The following HIBCH variants were observed in gnomAD, a reference collection of about 807,000 sequenced individuals.
The protein encoded by HIBCH is 3-hydroxyisobutyryl-CoA hydrolase, mitochondrial.
Under a neutral mutation model 58.2 loss-of-function variants are expected in HIBCH, and 50 were observed. The ratio of observed to expected loss-of-function variants is 0.86; its 90% CI spans 0.68 to 1.09. The LOEUF (loss-of-function observed/expected upper bound fraction) is 1.09, where lower values mean the gene tolerates loss of function less well. HIBCH is among the 50% of genes least tolerant of loss of function. The probability of loss-of-function intolerance (pLI) is 0.00; values close to 1 mark genes in which losing one functional copy is unlikely to be tolerated. For missense variants in HIBCH, 450 were observed against 449.7 expected (o/e 1.00, Z -0.01); for synonymous variants, 151 against 146.9 (o/e 1.03, Z -0.20).
At chr2:190,234,714 G>A (rs576897580) in intron 11 of HIBCH, among the ~76,000 whole-genome samples, 1 of 152,154 alleles carries the variant, frequency 6.6e-6, no homozygotes, top group Middle Eastern at 3.4e-3. Flanking sequence ...AGCAGGTATG[G>A]TGGCGGGCAC....
chr2:190,212,145 G>A (rs1467950648), intron 12 of HIBCH, among the ~76,000 whole-genome samples: 3 of 152,182 alleles, frequency 2.0e-5, no homozygotes, highest in East Asian at 3.8e-4. Context: ...TGCATATAAA[G>A]TGCCTAGCGT....
At chr2:190,282,769 G>A (rs1687736402) in intron 6 of HIBCH, among the ~76,000 whole-genome samples, 1 of 150,476 alleles carries the variant, frequency 6.6e-6, no homozygotes, top group Non-Finnish European at 1.5e-5. Flanking sequence ...GGCTATACAA[G>A]ATGTTTATTA....
chr2:190,296,669 C>A, intron 3 of HIBCH, 144 bp downstream of exon 3: 1 of 756,104 alleles, frequency 1.3e-6, no homozygotes, highest in Non-Finnish European at 2.3e-6. Context: ...ACAGGGGAAG[C>A]ACTGAAACCT....
chr2:190,199,250 C>G (rs552485310), downstream of HIBCH, among the ~76,000 whole-genome samples: 47 of 152,252 alleles, frequency 3.1e-4, no homozygotes, highest in African/African-American at 1.0e-3. Context: ...ATATTTTAAG[C>G]TTTGTGGGCC....
At chr2:190,314,914 C>T (rs1398530508) in intron 1 of HIBCH, among the ~76,000 whole-genome samples, 1 of 151,768 alleles carries the variant, frequency 6.6e-6, no homozygotes, top group Admixed American at 6.6e-5. Context: ...TCCAAAACTG[C>T]CATCTGGTGG....
downstream of HIBCH, chr2:190,199,610 A>C: frequency 1.4e-6 from 1 of 730,034 alleles, no homozygotes; most frequent in Non-Finnish European, 1.9e-6. Flanking sequence ...ATGTGACCAA[A>C]GTGATGAAAG....
At chr2:190,221,952 A>G (rs766413687) in intron 11 of HIBCH, among the ~76,000 whole-genome samples, 28 of 152,254 alleles carry the variant, frequency 1.8e-4, no homozygotes, top group Admixed American at 3.9e-4. Context: ...AACATCTCCA[A>G]TATGTTCATG....
chr2:190,237,307 A>G (rs1686302715), intron 11 of HIBCH, among the ~76,000 whole-genome samples: 1 of 152,218 alleles, frequency 6.6e-6, no homozygotes. Flanking sequence ...AAATAAAGCC[A>G]TACAATGAGT....
At chr2:190,301,840 C>T (rs977752461) in intron 2 of HIBCH, among the ~76,000 whole-genome samples, 4 of 152,156 alleles carry the variant, frequency 2.6e-5, no homozygotes, top group African/African-American at 7.2e-5. Flanking sequence ...AGGGCAAAGA[C>T]GCCTAGTTGA....
intron 6 of HIBCH, among the ~76,000 whole-genome samples, chr2:190,272,591 A>G (rs1340434930): frequency 1.3e-5 from 2 of 152,116 alleles, no homozygotes; most frequent in Non-Finnish European, 2.9e-5. Flanking sequence ...GGGTGGTTTC[A>G]TATTACAAAT....
intron 6 of HIBCH, among the ~76,000 whole-genome samples, chr2:190,287,375 A>G (rs1340489506): frequency 6.6e-6 from 1 of 152,172 alleles, no homozygotes; most frequent in Non-Finnish European, 1.5e-5. Flanking sequence ...TAACATAACT[A>G]AGAACATAAA....
chr2:190,248,777 C>T (rs1249621277), intron 9 of HIBCH, among the ~76,000 whole-genome samples: 1 of 151,832 alleles, frequency 6.6e-6, no homozygotes, highest in African/African-American at 2.4e-5. Flanking sequence ...ACGAGAATCG[C>T]TTGAACCTGG....
At position 190,217,966 on chromosome 2, in the gene HIBCH, G is replaced by T. The variant is rs772393687; in HGVS notation, c.892-4891C>A. 6.6e-6 allele frequency among the ~76,000 whole-genome samples: 1 copy of T among 152,068 alleles called. No homozygotes were observed. Among genetic ancestry groups the T allele is most frequent in the Non-Finnish European group, 1.5e-5 (1 of 68,026 alleles). On this transcript the variant is annotated intron_variant, in intron 11 of 13. Transcript: ENST00000359678. This position sits in a 1 kb window ranked among gnomAD's most constrained non-coding sequence, Gnocchi z 4.6. Reference sequence around the variant, plus strand: ...AGGCTCCGTCATTGGGGGTGGATACGGTTAGGATTAATCCTAACACAAGGG... The same window carrying T: ...AGGCTCCGTCATTGGGGGTGGATACTGTTAGGATTAATCCTAACACAAGGG...
At chr2:190,291,690 A>G (rs1403946349) in intron 4 of HIBCH, among the ~76,000 whole-genome samples, 2 of 152,220 alleles carry the variant, frequency 1.3e-5, no homozygotes, top group African/African-American at 4.8e-5. Flanking sequence ...TGCTCAGTAA[A>G]TATCTACTGA....
chr2:190,249,004 A>G (rs546216425), intron 9 of HIBCH, among the ~76,000 whole-genome samples: 1 of 152,184 alleles, frequency 6.6e-6, no homozygotes, highest in South Asian at 2.1e-4. Flanking sequence ...TGGCTTTCAG[A>G]GTTCTTTGGT....
intron 7 of HIBCH, among the ~76,000 whole-genome samples, chr2:190,256,180 G>A (rs992365568): frequency 1.3e-5 from 2 of 152,046 alleles, no homozygotes; most frequent in Non-Finnish European, 2.9e-5. Flanking sequence ...TGGGGATTAC[G>A]GGGATTACAA....
intron 8 of HIBCH, chr2:190,250,419 T>C: frequency 4.3e-6 from 2 of 468,650 alleles, no homozygotes; most frequent in Non-Finnish European, 8.8e-6. Context: ...ATTTATCTTT[T>C]GTACCCACTT....
intron 2 of HIBCH, among the ~76,000 whole-genome samples, chr2:190,299,726 T>C (rs1163479917): frequency 1.3e-5 from 2 of 152,192 alleles, no homozygotes; most frequent in African/African-American, 2.4e-5. Flanking sequence ...GTTTGTTATA[T>C]AGTTAAATTC....
intron 1 of HIBCH, among the ~76,000 whole-genome samples, chr2:190,195,507 A>G (rs1057119107): frequency 5.3e-5 from 8 of 152,228 alleles, no homozygotes; most frequent in Non-Finnish European, 1.0e-4. Flanking sequence ...CCTGAATGAC[A>G]TGATGTTGAA....
Sources: gnomAD v4.1 joint callset for allele counts (sites outside exome capture counted in the v4.1 genomes callset) on GRCh38, gnomAD v4.1.1 for gene constraint, Gnocchi (gnomAD v3.1) non-coding constraint, MANE v1.5 for transcripts, NCBI Gene and HGNC (gene_info 2026-07-23, HGNC 2026-07-21) for gene names.